RBFOX3: variants seen among roughly 807,000 people sequenced by gnomAD.
RBFOX3 encodes the protein RNA binding fox-1 homolog 3.
In RBFOX3, 17 loss-of-function variants were observed where a neutral mutation model predicts 48.7. The observed-to-expected ratio is 0.35, with a 90% confidence interval of 0.24 to 0.52. RBFOX3 has a LOEUF of 0.52. Ranked by LOEUF, RBFOX3 falls within the 20% of genes least tolerant of loss-of-function variation. The pLI is 0.94. For missense variants in RBFOX3, 382 were observed against 497.5 expected, an observed-to-expected ratio of 0.77 and a Z score of 2.21; for synonymous variants, 212 against 209.5, an observed-to-expected ratio of 1.01 and a Z score of -0.10.
chr17:79,469,919 C>T (rs927526788), intron 2 of RBFOX3, among the ~76,000 whole-genome samples: 15 of 152,132 alleles, frequency 9.9e-5, no homozygotes, highest in Admixed American at 6.5e-5. Context: ...AGAGAGAGCA[C>T]GCATGGAGAT....
chr17:79,174,546 C>T (rs1384547275), intron 4 of RBFOX3, among the ~76,000 whole-genome samples: 1 of 151,986 alleles, frequency 6.6e-6, no homozygotes, highest in Non-Finnish European at 1.5e-5. Context: ...CAGTCACACA[C>T]TGATACACAA....
intron 4 of RBFOX3, among the ~76,000 whole-genome samples, chr17:79,121,276 C>T (rs2035670806): frequency 6.6e-6 from 1 of 152,152 alleles, no homozygotes; most frequent in South Asian, 2.1e-4. Context: ...GGCAATTCGC[C>T]CCTTGCACTC....
At chr17:79,264,934 G>A (rs1024302337) in intron 3 of RBFOX3, among the ~76,000 whole-genome samples, 1 of 151,480 alleles carries the variant, frequency 6.6e-6, no homozygotes, top group Non-Finnish European at 1.5e-5. Context: ...TTACTGCCAC[G>A]AATGCCCTTG....
the RBFOX3 span, among the ~76,000 whole-genome samples, chr17:79,618,359 G>A: frequency 5.2e-3 from 799 of 152,202 alleles, 11 homozygotes; most frequent in African/African-American, 0.018. Context: ...GACGTGAGCC[G>A]TATCTCTGAG....
chr17:79,261,591 C>A (rs149973249), intron 3 of RBFOX3, among the ~76,000 whole-genome samples: 1 of 152,184 alleles, frequency 6.6e-6, no homozygotes, highest in Non-Finnish European at 1.5e-5. Flanking sequence ...GTCAATGATG[C>A]GGCAGGTCTG....
chr17:79,259,993 C>T (rs1011347398), intron 3 of RBFOX3, among the ~76,000 whole-genome samples: 4 of 152,112 alleles, frequency 2.6e-5, no homozygotes, highest in East Asian at 1.9e-4. Context: ...CCTTCCTGGC[C>T]GCTGACTTTC....
intron 4 of RBFOX3, among the ~76,000 whole-genome samples, chr17:79,147,941 G>C (rs1002097538): frequency 6.6e-6 from 1 of 152,206 alleles, no homozygotes; most frequent in Non-Finnish European, 1.5e-5. Context: ...ATTTCTCAAG[G>C]AATCACTGAC....
chr17:79,472,415 G>A (rs968245314), intron 2 of RBFOX3, among the ~76,000 whole-genome samples: 3 of 152,286 alleles, frequency 2.0e-5, no homozygotes, highest in East Asian at 3.9e-4. Context: ...AGATGTGACC[G>A]TATTTGGAGA....
chr17:79,635,769 A>G, the RBFOX3 span, among the ~76,000 whole-genome samples: 1 of 152,230 alleles, frequency 6.6e-6, no homozygotes, highest in South Asian at 2.1e-4. Context: ...AACGAGTGGG[A>G]AAAATGCTGT....
chr17:79,358,831 G>A (rs144632953), intron 2 of RBFOX3, among the ~76,000 whole-genome samples: 28 of 152,234 alleles, frequency 1.8e-4, no homozygotes, highest in African/African-American at 5.8e-4. Flanking sequence ...ATTCCATTTC[G>A]CCATCAGGAT....
chr17:79,463,243 C>T (rs1467051601), intron 2 of RBFOX3, among the ~76,000 whole-genome samples: 3 of 119,440 alleles, frequency 2.5e-5, no homozygotes, highest in East Asian at 5.3e-4. Context: ...CCACTGCCAT[C>T]GCCACTGCCA....
chr17:79,664,257 C>T, the RBFOX3 span, among the ~76,000 whole-genome samples: 37 of 151,978 alleles, frequency 2.4e-4, no homozygotes, highest in Non-Finnish European at 4.1e-4. Context: ...TCACTGCAAC[C>T]TCCACTTTCC....
Position 79,479,666 on chromosome 17 carries a change from G to A in RBFOX3, c.-175+2788C>T, listed in dbSNP as rs2078491224. Among the ~76,000 whole-genome samples, 1 of 152,232 alleles carries A rather than the reference G, an allele frequency of 6.6e-6. No homozygotes were observed. Among genetic ancestry groups the A allele is most frequent in the African/African-American group, 2.4e-5 (1 of 41,464 alleles). ...TGGACTTCCCAGACGCTCCCTCGGG[G>A]GTGGGCTGGTCTTGTACTTTCACTG... On this transcript the variant is annotated intron_variant, in intron 2 of 14. Transcript: ENST00000693108. This position sits in a 1 kb window ranked among gnomAD's most constrained non-coding sequence, Gnocchi z 5.1.
chr17:79,351,400 A>T (rs2083914287), intron 2 of RBFOX3, among the ~76,000 whole-genome samples: 1 of 152,138 alleles, frequency 6.6e-6, no homozygotes, highest in South Asian at 2.1e-4. Flanking sequence ...CCCAGTTTCT[A>T]ACCATCCTTG....
rs1334601205 is a variant in RBFOX3, at chr17:79,443,523, T to C, written c.-175+38931A>G. Among the ~76,000 whole-genome samples, 1 of 152,026 alleles carries C rather than the reference T, an allele frequency of 6.6e-6. No homozygotes were observed. The highest frequency in any genetic ancestry group is 1.5e-5 in the Non-Finnish European group (1 of 67,992). ...TCAGCCTCTTGAGTAGCTGGGATTA[T>C]AGGCACCTGACACCACTCCCGGCTA... On this transcript the variant is annotated intron_variant, in intron 2 of 14. Coordinates refer to ENST00000693108, the MANE Select transcript of RBFOX3 (RefSeq NM_001350451.2). The surrounding 1 kb of genome is among the most constrained non-coding windows in gnomAD (Gnocchi z 4.4).
At chr17:79,163,260 G>A (rs2047329117) in intron 4 of RBFOX3, among the ~76,000 whole-genome samples, 1 of 152,204 alleles carries the variant, frequency 6.6e-6, no homozygotes, top group African/African-American at 2.4e-5. Flanking sequence ...TGTCACAGAG[G>A]AGGCAACCGC....
intron 4 of RBFOX3, among the ~76,000 whole-genome samples, chr17:79,128,035 C>T (rs906782844): frequency 1.3e-5 from 2 of 152,230 alleles, no homozygotes; most frequent in South Asian, 2.1e-4. Context: ...ACCATGCGAC[C>T]GCTCAGCGCC....
At chr17:79,381,359 A>G (rs77637968) in intron 2 of RBFOX3, among the ~76,000 whole-genome samples, 3,980 of 152,324 alleles carry the variant, frequency 0.026, 75 homozygotes, top group East Asian at 0.086. Context: ...CATGTGATCA[A>G]TGTAAAAACC....
intron 1 of RBFOX3, among the ~76,000 whole-genome samples, chr17:79,521,406 A>G (rs1404349801): frequency 1.3e-5 from 2 of 151,960 alleles, no homozygotes; most frequent in Non-Finnish European, 2.9e-5. Context: ...ACAGACACAC[A>G]CATACCCTCA....
Sources: allele counts gnomAD v4.1 joint callset (sites outside exome capture counted in the v4.1 genomes callset), GRCh38; gene constraint gnomAD v4.1.1; non-coding constraint Gnocchi (gnomAD v3.1); transcripts MANE v1.5; gene names NCBI Gene and HGNC (gene_info 2026-07-23, HGNC 2026-07-21).